SIPA1L2: variants seen among roughly 807,000 people sequenced by gnomAD.
The protein encoded by SIPA1L2 is signal-induced proliferation-associated 1-like protein 2.
In SIPA1L2, 56 loss-of-function variants were observed where a neutral mutation model predicts 163.9. The ratio of observed to expected loss-of-function variants is 0.34; its 90% CI spans 0.28 to 0.43. SIPA1L2 has a LOEUF of 0.43. Among genes scored for constraint, SIPA1L2 ranks in the 20% least tolerant of loss-of-function variants. SIPA1L2 has a pLI of 1.00. For synonymous variants in SIPA1L2, 877 were observed against 865.7 expected, an observed-to-expected ratio of 1.01 and a Z score of -0.23; for missense variants, 1,974 against 2,193.5, an observed-to-expected ratio of 0.90 and a Z score of 2.00.
chr1:232,440,350 T>C (rs1344298242), intron 14 of SIPA1L2, among the ~76,000 whole-genome samples: 2 of 152,166 alleles, frequency 1.3e-5, no homozygotes, highest in African/African-American at 4.8e-5. Context: ...TTTAAAGTGG[T>C]TTGGCCTTAT....
At chr1:232,469,239 C>A (rs933422553) in intron 8 of SIPA1L2, among the ~76,000 whole-genome samples, 1 of 152,182 alleles carries the variant, frequency 6.6e-6, no homozygotes, top group Non-Finnish European at 1.5e-5. Context: ...ACAGCTTTCA[C>A]GGGAGCTTGC....
chr1:232,424,334 A>G, intron 18 of SIPA1L2, among the ~76,000 whole-genome samples: 2 of 148,052 alleles, frequency 1.4e-5, no homozygotes, highest in African/African-American at 2.5e-5. Context: ...AAAAAAAAAA[A>G]AAAAAAAAAA....
chr1:232,513,180 G>T (rs1226205424), intron 3 of SIPA1L2, among the ~76,000 whole-genome samples: 1 of 152,088 alleles, frequency 6.6e-6, no homozygotes, highest in East Asian at 1.9e-4. Flanking sequence ...GGATAATTAG[G>T]GACACTTATT....
intron 18 of SIPA1L2, among the ~76,000 whole-genome samples, chr1:232,420,099 A>G (rs1661481524): frequency 6.6e-6 from 1 of 152,180 alleles, no homozygotes; most frequent in Non-Finnish European, 1.5e-5. Context: ...AGGCAGGCAG[A>G]TCACCTGAGG....
chr1:232,613,787 C>G (rs1662371423), intron 1 of SIPA1L2, among the ~76,000 whole-genome samples: 1 of 152,102 alleles, frequency 6.6e-6, no homozygotes, highest in Non-Finnish European at 1.5e-5. Context: ...CAGAATATGA[C>G]CTTTCAGGTG....
At chr1:232,439,559 T>C in intron 14 of SIPA1L2, 63 bp from the exon 15 acceptor site, 1 of 1,543,654 alleles carries the variant, frequency 6.5e-7, no homozygotes, top group Non-Finnish European at 8.8e-7. Flanking sequence ...CTTCTCACCC[T>C]GACTCAGGGA....
chr1:232,532,829 C>T (rs186939943), intron 2 of SIPA1L2, among the ~76,000 whole-genome samples: 1 of 152,124 alleles, frequency 6.6e-6, no homozygotes, highest in African/African-American at 2.4e-5. Context: ...GTTAAAAACA[C>T]TGAGGTACAG....
chr1:232,429,662 A>G (rs539696895), intron 16 of SIPA1L2, among the ~76,000 whole-genome samples: 1 of 152,254 alleles, frequency 6.6e-6, no homozygotes, highest in East Asian at 1.9e-4. Flanking sequence ...CTGAAGATTT[A>G]GTTGGTTTGT....
At chr1:232,579,885 G>A (rs972410606) in intron 1 of SIPA1L2, among the ~76,000 whole-genome samples, 3 of 152,176 alleles carry the variant, frequency 2.0e-5, no homozygotes, top group African/African-American at 7.2e-5. Flanking sequence ...AAAGAATGGG[G>A]GCTTGGAGTG....
At chr1:232,587,946 A>G (rs1222713538) in intron 1 of SIPA1L2, among the ~76,000 whole-genome samples, 3 of 152,058 alleles carry the variant, frequency 2.0e-5, no homozygotes, top group African/African-American at 7.2e-5. Flanking sequence ...TTCCACCATG[A>G]TTGTGAGGCC....
At chr1:232,550,544 T>C (rs180893429) in intron 2 of SIPA1L2, among the ~76,000 whole-genome samples, 4 of 152,288 alleles carry the variant, frequency 2.6e-5, no homozygotes, top group East Asian at 1.9e-4. Context: ...AGAAGAACAT[T>C]TGGAAAAACA....
chr1:232,405,755 T>A (rs1413274598), intron 19 of SIPA1L2, among the ~76,000 whole-genome samples: 4 of 152,254 alleles, frequency 2.6e-5, no homozygotes, highest in African/African-American at 9.6e-5. Flanking sequence ...CATTGACTCA[T>A]CCTTGTTTTA....
At chr1:232,501,445 A>G (rs575656220) in intron 3 of SIPA1L2, among the ~76,000 whole-genome samples, 2 of 152,290 alleles carry the variant, frequency 1.3e-5, no homozygotes, top group African/African-American at 4.8e-5. Flanking sequence ...GGGTCCAGCC[A>G]TAAGACAGGT....
Position 232,603,549 on chromosome 1 carries a change from GAC to G in SIPA1L2, c.-319+26318_-319+26319del, listed in dbSNP as rs553162312. Reference sequence around the variant, plus strand: ...AAAGCAACAGAGGATGCGGCCTGAGGACAAGCCGTAGGATTGGCAATACCAGG... The same window carrying G: ...AAAGCAACAGAGGATGCGGCCTGAGGAAGCCGTAGGATTGGCAATACCAGG... On this transcript the variant is annotated intron_variant, in intron 1 of 22. Coordinates refer to ENST00000674635, the MANE Select transcript of SIPA1L2 (RefSeq NM_020808.5). 3.3e-3 allele frequency among the ~76,000 whole-genome samples: 506 copies of G among 152,238 alleles called. 7 individuals carry two copies. The highest frequency in any genetic ancestry group is 0.012 in the African/African-American group (493 of 41,518).
intron 2 of SIPA1L2, among the ~76,000 whole-genome samples, chr1:232,547,588 T>TGG (rs58061760): frequency 3.9e-4 from 1 of 2,568 alleles, no homozygotes; most frequent in African/African-American, 8.6e-4. Context: ...GGGTGGGGGC[T>TGG]GGGGGGGGCA....
intron 6 of SIPA1L2, 122 bp downstream of exon 6, chr1:232,483,669 TA>T: frequency 9.8e-7 from 1 of 1,025,208 alleles, no homozygotes; most frequent in Non-Finnish European, 1.4e-6. Flanking sequence ...CTATTCCAAA[TA>T]AGCTTTCTAG....
chr1:232,577,216 T>C (rs974426092), intron 1 of SIPA1L2, among the ~76,000 whole-genome samples: 4 of 152,182 alleles, frequency 2.6e-5, no homozygotes, highest in African/African-American at 9.7e-5. Flanking sequence ...CCGTGCTCTA[T>C]CATTGGAACA....
intron 22 of SIPA1L2, among the ~76,000 whole-genome samples, chr1:232,400,361 T>C (rs1660262255): frequency 6.6e-6 from 1 of 152,208 alleles, no homozygotes; most frequent in Non-Finnish European, 1.5e-5. Context: ...CCTTTTATTG[T>C]GATCCATGAA....
chr1:232,515,682 G>A (rs74661978), intron 2 of SIPA1L2, 74 bp from the exon 3 acceptor site: 2,461 of 220,556 alleles, frequency 0.011, 69 homozygotes, highest in African/African-American at 0.053. Context: ...GATAAATTTC[G>A]TATCTGTCTT....
Sources: allele counts gnomAD v4.1 joint callset (sites outside exome capture counted in the v4.1 genomes callset), GRCh38; gene constraint gnomAD v4.1.1; transcripts MANE v1.5; gene names NCBI Gene and HGNC (gene_info 2026-07-23, HGNC 2026-07-21).